Variants in HMGB1 observed in about 807,000 individuals in gnomAD.
HMGB1 encodes the protein high mobility group box 1.
For synonymous variants in HMGB1, 81 were observed against 84.0 expected (o/e 0.96, Z 0.19); for missense variants, 79 against 253.5 (o/e 0.31, Z 4.67).
intron 1 of HMGB1, among the ~76,000 whole-genome samples, chr13:30,475,353 C>T (rs1299419979): frequency 1.3e-5 from 2 of 150,344 alleles, no homozygotes; most frequent in Middle Eastern, 3.4e-3. Context: ...ACTACAGGTG[C>T]ACACCATCAT....
At chr13:30,496,097 A>C (rs1397476959) in intron 1 of HMGB1, among the ~76,000 whole-genome samples, 1 of 152,222 alleles carries the variant, frequency 6.6e-6, no homozygotes, top group East Asian at 1.9e-4. Context: ...GAGTCAACTC[A>C]AACACTTAGG....
At chr13:30,583,137 G>A (rs1029313937) in intron 1 of HMGB1, among the ~76,000 whole-genome samples, 1 of 152,096 alleles carries the variant, frequency 6.6e-6, no homozygotes, top group Middle Eastern at 3.4e-3. Context: ...AAAGTGATAG[G>A]ATTTCAAGTA....
rs933457568 is a variant in HMGB1, at chr13:30,459,568, G to T, written c.*1789C>A. 6.6e-6 allele frequency: 1 copy of T among 152,060 alleles called. No homozygotes were observed. The highest frequency in any genetic ancestry group is 1.9e-4 in the East Asian group (1 of 5,198). The allele number at this position is 152,060 out of a possible 1,614,324, so 9.4% of individuals were successfully genotyped here. A position where few individuals can be genotyped will look rare whatever the true frequency, so the allele number is the denominator to read the frequency against. ...CAGCCTATCACTAACCCTGCTGTTCGCTTGCATGTATCTTGTTTTTAAAAA... is the reference window on the plus strand; with the variant it reads ...CAGCCTATCACTAACCCTGCTGTTCTCTTGCATGTATCTTGTTTTTAAAAA... On this transcript the variant is annotated 3_prime_UTR_variant, in exon 5 of 5. Transcript: ENST00000341423.
chr13:30,487,953 GA>G (rs1887399699), intron 1 of HMGB1, among the ~76,000 whole-genome samples: 1 of 151,956 alleles, frequency 6.6e-6, no homozygotes, highest in African/African-American at 2.4e-5. Context: ...TAATTAAAGG[GA>G]AAAAAATTAT....
At chr13:30,534,316 G>A (rs1412664339) in intron 1 of HMGB1, among the ~76,000 whole-genome samples, 10 of 152,160 alleles carry the variant, frequency 6.6e-5, no homozygotes, top group South Asian at 2.1e-4. Context: ...ACTCAGTCTC[G>A]TCTCTCACTT....
At chr13:30,523,126 G>C (rs750903126) in intron 1 of HMGB1, among the ~76,000 whole-genome samples, 10 of 152,204 alleles carry the variant, frequency 6.6e-5, no homozygotes, top group Non-Finnish European at 1.5e-4. Flanking sequence ...CATTGGGGAA[G>C]AATGACTTTC....
intron 1 of HMGB1, among the ~76,000 whole-genome samples, chr13:30,547,912 A>G (rs867783492): frequency 6.6e-6 from 1 of 152,018 alleles, no homozygotes; most frequent in Non-Finnish European, 1.5e-5. Context: ...AGTGAGTGAG[A>G]CTCTGTCTCA....
At chr13:30,531,482 C>T (rs1245076757) in intron 1 of HMGB1, among the ~76,000 whole-genome samples, 4 of 150,408 alleles carry the variant, frequency 2.7e-5, no homozygotes, top group Non-Finnish European at 4.4e-5. Flanking sequence ...ACTAACTACT[C>T]GGAACTGCTA....
At chr13:30,568,363 T>C (rs1407664577) in intron 1 of HMGB1, among the ~76,000 whole-genome samples, 1 of 152,016 alleles carries the variant, frequency 6.6e-6, no homozygotes, top group East Asian at 1.9e-4. Context: ...AAAAATTAGC[T>C]AGGTGTGGTG....
intron 1 of HMGB1, among the ~76,000 whole-genome samples, chr13:30,548,589 G>A (rs1869276411): frequency 6.6e-6 from 1 of 152,150 alleles, no homozygotes; most frequent in Non-Finnish European, 1.5e-5. Context: ...TACAAGCATT[G>A]TTACAAAATA....
intron 1 of HMGB1, among the ~76,000 whole-genome samples, chr13:30,565,150 C>T (rs1315207630): frequency 2.0e-5 from 3 of 152,250 alleles, no homozygotes; most frequent in Non-Finnish European, 2.9e-5. Flanking sequence ...GATTTGAATC[C>T]AAGTGTGACC....
intron 1 of HMGB1, among the ~76,000 whole-genome samples, chr13:30,562,990 C>T (rs995328432): frequency 1.2e-4 from 18 of 152,134 alleles, no homozygotes; most frequent in East Asian, 7.7e-4. Flanking sequence ...GCCAGGTCTG[C>T]GATGTATGTT....
At chr13:30,608,234 T>C (rs1357609614) in intron 1 of HMGB1, among the ~76,000 whole-genome samples, 3 of 152,348 alleles carry the variant, frequency 2.0e-5, no homozygotes, top group South Asian at 4.1e-4. Flanking sequence ...CCATGTATCA[T>C]TTCATACACA....
intron 1 of HMGB1, chr13:30,464,601 T>C (rs1439031997): frequency 1.0e-6 from 1 of 982,814 alleles, no homozygotes; most frequent in Non-Finnish European, 1.2e-6. Context: ...CGCCCCCATT[T>C]TGTCAGGCTC....
intron 4 of HMGB1, chr13:30,462,332 C>A: frequency 1.6e-6 from 1 of 616,378 alleles, no homozygotes. Flanking sequence ...CATAAATGTA[C>A]ACAGCCTTTG....
chr13:30,513,521 C>T (rs975095715), intron 1 of HMGB1, among the ~76,000 whole-genome samples: 1 of 152,202 alleles, frequency 6.6e-6, no homozygotes, highest in Non-Finnish European at 1.5e-5. Flanking sequence ...GTAGTGGGAA[C>T]TTAAATACAA....
At chr13:30,502,110 T>C (rs183790859) in intron 1 of HMGB1, among the ~76,000 whole-genome samples, 1 of 152,338 alleles carries the variant, frequency 6.6e-6, no homozygotes, top group African/African-American at 2.4e-5. Flanking sequence ...GTTCCATAAA[T>C]CTATTTTAGA....
At chr13:30,523,113 T>C (rs889823133) in intron 1 of HMGB1, among the ~76,000 whole-genome samples, 10 of 152,240 alleles carry the variant, frequency 6.6e-5, no homozygotes, top group Non-Finnish European at 1.2e-4. Flanking sequence ...CTTGTAGTTA[T>C]AACATTGGGG....
At position 30,563,025 on chromosome 13, in the gene HMGB1, A is replaced by C. The variant is rs533449034; in HGVS notation, c.-15+53646T>G. 6.6e-5 allele frequency among the ~76,000 whole-genome samples: 10 copies of C among 152,346 alleles called. No individual in the cohort carries two copies. In the East Asian group the frequency reaches 1.9e-3, roughly 29 times the overall value. On this transcript the variant is annotated intron_variant, in intron 1 of 4. Transcript: ENST00000405805. ...TCTACATGGTTTGGGGGGTAAAAAA[A>C]ATGTCAGCCTCCAGAGCACAGGGCT...
Sources: allele counts gnomAD v4.1 joint callset (sites outside exome capture counted in the v4.1 genomes callset), GRCh38; gene constraint gnomAD v4.1.1; transcripts MANE v1.5; gene names NCBI Gene and HGNC (gene_info 2026-07-23, HGNC 2026-07-21).